SPAG16: variants seen among roughly 807,000 people sequenced by gnomAD.
The protein encoded by SPAG16 is sperm associated antigen 16.
A neutral mutation model predicts 80.4 loss-of-function variants in SPAG16; 86 were observed. The ratio of observed to expected loss-of-function variants is 1.07; its 90% CI spans 0.90 to 1.28. SPAG16 has a LOEUF of 1.28. Among genes scored for constraint, SPAG16 ranks in the 50% most tolerant of loss-of-function variants. The probability of loss-of-function intolerance (pLI) is 0.00; values close to 1 mark genes in which losing one functional copy is unlikely to be tolerated. For missense variants in SPAG16, 870 were observed against 765.3 expected (o/e 1.14, Z -1.61); for synonymous variants, 294 against 265.9 (o/e 1.11, Z -1.03).
chr2:214,366,341 G>C (rs757737121), intron 15 of SPAG16, among the ~76,000 whole-genome samples: 30 of 152,112 alleles, frequency 2.0e-4, no homozygotes, highest in Non-Finnish European at 3.7e-4. Flanking sequence ...TGTGACTATG[G>C]TCGTAGCAGG....
intron 11 of SPAG16, among the ~76,000 whole-genome samples, chr2:213,904,175 T>G (rs2077338275): frequency 6.6e-6 from 1 of 152,168 alleles, no homozygotes; most frequent in Non-Finnish European, 1.5e-5. Context: ...GGTTCCACAT[T>G]TTTGGTTACC....
chr2:213,462,963 A>G (rs2072466783), intron 9 of SPAG16, among the ~76,000 whole-genome samples: 2 of 152,344 alleles, frequency 1.3e-5, no homozygotes, highest in Admixed American at 6.5e-5. Context: ...AGAAGAAGAC[A>G]CAAAGATTTG....
chr2:213,710,587 T>G (rs1265398475), intron 10 of SPAG16, among the ~76,000 whole-genome samples: 1 of 152,192 alleles, frequency 6.6e-6, no homozygotes, highest in Non-Finnish European at 1.5e-5. Context: ...AAATTACTCT[T>G]ACAATTAGGC....
At chr2:213,768,099 G>C (rs2069038661) in intron 10 of SPAG16, among the ~76,000 whole-genome samples, 2 of 152,160 alleles carry the variant, frequency 1.3e-5, no homozygotes, top group Admixed American at 1.3e-4. Context: ...CAATAAGAAG[G>C]AAAGGGTATC....
rs142640631 is a variant in SPAG16 at position 213,856,400 on chromosome 2, C to A, written c.1071-6085C>A. On this transcript the variant is annotated intron_variant, in intron 10 of 15. Coordinates refer to ENST00000331683, the MANE Select transcript of SPAG16 (RefSeq NM_024532.5). ...CAGTGCAAGCTGTCAGTAAACCTAC[C>A]ATTCTGGGGTCTGAAGGACAGTGGC... Among the ~76,000 whole-genome samples, 281 of 152,254 alleles carry A rather than the reference C, an allele frequency of 1.8e-3. 2 individuals carry two copies. The highest frequency in any genetic ancestry group is 0.012 in the Admixed American group (184 of 15,294).
chr2:213,660,353 T>C (rs1380339786), intron 10 of SPAG16, among the ~76,000 whole-genome samples: 1 of 150,350 alleles, frequency 6.7e-6, no homozygotes, highest in Non-Finnish European at 1.5e-5. Context: ...CACTGCAACC[T>C]CTGCCTCCTG....
At chr2:213,791,676 T>TA (rs1341154691) in intron 10 of SPAG16, among the ~76,000 whole-genome samples, 1 of 152,058 alleles carries the variant, frequency 6.6e-6, no homozygotes, top group Non-Finnish European at 1.5e-5. Flanking sequence ...ATACTTCAAA[T>TA]AAAAAAGTAT....
intron 9 of SPAG16, among the ~76,000 whole-genome samples, chr2:213,391,502 G>T (rs1332091818): frequency 6.6e-6 from 1 of 152,028 alleles, no homozygotes; most frequent in Non-Finnish European, 1.5e-5. Context: ...ACAAACATGG[G>T]CACATTACCT....
intron 9 of SPAG16, among the ~76,000 whole-genome samples, chr2:213,429,688 C>T (rs752639600): frequency 2.0e-5 from 3 of 152,208 alleles, no homozygotes; most frequent in Non-Finnish European, 4.4e-5. Flanking sequence ...TACACCACTA[C>T]TACAACCAAC....
chr2:213,594,659 T>C (rs2060825253), intron 10 of SPAG16, among the ~76,000 whole-genome samples: 1 of 152,218 alleles, frequency 6.6e-6, no homozygotes, highest in Non-Finnish European at 1.5e-5. Flanking sequence ...GTAAATGTTA[T>C]CGCAATTCAT....
chr2:213,935,803 G>T (rs906096153), intron 12 of SPAG16, among the ~76,000 whole-genome samples: 3 of 152,126 alleles, frequency 2.0e-5, no homozygotes, highest in African/African-American at 7.2e-5. Flanking sequence ...TTATTTATTT[G>T]CTTATAGATC....
chr2:214,404,384 A>G (rs141350162), intron 15 of SPAG16, among the ~76,000 whole-genome samples: 38 of 152,332 alleles, frequency 2.5e-4, no homozygotes, highest in African/African-American at 9.1e-4. Flanking sequence ...ATCTAAAACA[A>G]AACAAAACCT....
chr2:214,323,124 A>G (rs2112119), intron 15 of SPAG16, among the ~76,000 whole-genome samples: 152,005 of 152,252 alleles, frequency 1, 75,880 homozygotes, highest in Middle Eastern at 1. Flanking sequence ...CCTGTTGAGG[A>G]TGGCTGTTGA....
At chr2:213,436,236 A>G (rs549879933) in intron 9 of SPAG16, among the ~76,000 whole-genome samples, 2 of 152,344 alleles carry the variant, frequency 1.3e-5, no homozygotes, top group East Asian at 3.9e-4. Flanking sequence ...TTGGGCAATT[A>G]AAAACAATTT....
intron 13 of SPAG16, among the ~76,000 whole-genome samples, chr2:214,093,398 TTTTA>T (rs1385024698): frequency 6.6e-6 from 1 of 151,898 alleles, no homozygotes; most frequent in Non-Finnish European, 1.5e-5. Context: ...CTTCTATACA[TTTTA>T]TTTAATCTCT....
intron 11 of SPAG16, among the ~76,000 whole-genome samples, chr2:213,915,742 G>T (rs2077928077): frequency 1.3e-5 from 2 of 152,290 alleles, no homozygotes; most frequent in South Asian, 4.1e-4. Context: ...CATCAACAGT[G>T]TAAAAGCCTT....
intron 10 of SPAG16, among the ~76,000 whole-genome samples, chr2:213,612,988 A>T (rs945402189): frequency 6.6e-6 from 1 of 152,190 alleles, no homozygotes; most frequent in Non-Finnish European, 1.5e-5. Context: ...AATTTTTTAA[A>T]ATGATGGAAT....
intron 14 of SPAG16, among the ~76,000 whole-genome samples, chr2:214,142,208 A>C (rs2055398468): frequency 6.6e-6 from 1 of 152,136 alleles, no homozygotes. Flanking sequence ...TCAATGACTA[A>C]CATTTTAATT....
At chr2:213,529,490 G>T (rs964848511) in intron 10 of SPAG16, among the ~76,000 whole-genome samples, 4 of 152,144 alleles carry the variant, frequency 2.6e-5, no homozygotes, top group Non-Finnish European at 4.4e-5. Flanking sequence ...TAACACACAG[G>T]GGTGCATCAC....
Sources: gnomAD v4.1 joint callset for allele counts (sites outside exome capture counted in the v4.1 genomes callset) on GRCh38, gnomAD v4.1.1 for gene constraint, MANE v1.5 for transcripts, NCBI Gene and HGNC (gene_info 2026-07-23, HGNC 2026-07-21) for gene names.